Variants in IQSEC1 observed in about 807,000 individuals in gnomAD.
IQSEC1 encodes IQ motif and Sec7 domain ArfGEF 1.
IQSEC1 carries 31 observed loss-of-function variants against 91.0 expected under a neutral mutation model. The observed-to-expected ratio is 0.34, with a 90% CI of 0.26 to 0.46. The LOEUF (loss-of-function observed/expected upper bound fraction) is 0.46, where lower values mean the gene tolerates loss of function less well. IQSEC1 is among the 20% of genes least tolerant of loss of function. The pLI, the probability that IQSEC1 is intolerant of heterozygous loss-of-function variation, is 1.00. For missense variants in IQSEC1, 1,388 were observed against 1,575.6 expected (o/e 0.88, Z 2.02); for synonymous variants, 699 against 662.6 (o/e 1.05, Z -0.84).
At chr3:13,126,709 G>C (rs988278957) in intron 2 of IQSEC1, among the ~76,000 whole-genome samples, 2 of 152,164 alleles carry the variant, frequency 1.3e-5, no homozygotes, top group African/African-American at 4.8e-5. Context: ...TTTCATTTTA[G>C]CCATCCTAAT....
At chr3:13,206,710 G>T (rs962928011) in intron 1 of IQSEC1, among the ~76,000 whole-genome samples, 1 of 152,296 alleles carries the variant, frequency 6.6e-6, no homozygotes, top group South Asian at 2.1e-4. Flanking sequence ...AGTCACCTGT[G>T]GGAAAGGAGG....
At chr3:12,948,350 C>T (rs1699317843) in intron 1 of IQSEC1, among the ~76,000 whole-genome samples, 2 of 152,242 alleles carry the variant, frequency 1.3e-5, no homozygotes, top group Admixed American at 1.3e-4. Context: ...GCTGTTGAGA[C>T]CCTCTCTTCG....
At chr3:13,206,810 A>C (rs1246482982) in intron 1 of IQSEC1, among the ~76,000 whole-genome samples, 1 of 152,114 alleles carries the variant, frequency 6.6e-6, no homozygotes, top group Admixed American at 6.5e-5. Flanking sequence ...GTGTATTGCT[A>C]TCATAAATAA....
chr3:13,045,291 A>G (rs1704452771), intron 1 of IQSEC1, among the ~76,000 whole-genome samples: 1 of 152,164 alleles, frequency 6.6e-6, no homozygotes, highest in African/African-American at 2.4e-5. Flanking sequence ...ACCACTTGAC[A>G]CGTTATGTTA....
At chr3:13,275,105 T>C (rs1695652568) in intron 1 of IQSEC1, among the ~76,000 whole-genome samples, 1 of 152,176 alleles carries the variant, frequency 6.6e-6, no homozygotes. Flanking sequence ...TCAGGTTTCA[T>C]ATATGCGAAA....
intron 1 of IQSEC1, among the ~76,000 whole-genome samples, chr3:13,196,789 T>TGG (rs1302830374): frequency 3.5e-5 from 5 of 140,858 alleles, no homozygotes; most frequent in Non-Finnish European, 7.7e-5. Flanking sequence ...TGTGTGTGTG[T>TGG]GGTGGGGAGC....
At chr3:13,185,136 G>C (rs1197101658) in intron 1 of IQSEC1, among the ~76,000 whole-genome samples, 1 of 152,130 alleles carries the variant, frequency 6.6e-6, no homozygotes, top group East Asian at 1.9e-4. Flanking sequence ...GTGGCTTTTG[G>C]GCAGGGAAAC....
At chr3:13,047,034 C>T (rs2125054328) in intron 1 of IQSEC1, among the ~76,000 whole-genome samples, 1 of 152,346 alleles carries the variant, frequency 6.6e-6, no homozygotes, top group East Asian at 1.9e-4. Flanking sequence ...CAGAGACCCT[C>T]AGACACCCCA....
At chr3:13,109,564 G>A (rs902245393) in intron 2 of IQSEC1, among the ~76,000 whole-genome samples, 1 of 152,090 alleles carries the variant, frequency 6.6e-6, no homozygotes, top group Non-Finnish European at 1.5e-5. Flanking sequence ...GGTCATACGG[G>A]TGGATCCCTC....
chr3:13,073,280 G>A lies in IQSEC1; in HGVS notation c.-266C>T, dbSNP rs1705497194. ...GAGCGAGCGAGGACGTCGAGTAACC[G>A]TGGTCGCCAGGCTGGGCGGGGGCGT... On this transcript the variant is annotated 5_prime_UTR_variant, in exon 1 of 14. The change creates a new upstream start codon in the 5' untranslated region. Transcript: ENST00000613206. 6.6e-6 allele frequency among the ~76,000 whole-genome samples: 1 copy of A among 152,228 alleles called. No individual in the cohort carries two copies. Among genetic ancestry groups the A allele is most frequent in the Non-Finnish European group, 1.5e-5 (1 of 68,030 alleles).
intron 9 of IQSEC1, 134 bp downstream of exon 9, chr3:12,913,294 T>C (rs1695743202): frequency 5.5e-6 from 5 of 912,824 alleles, no homozygotes; most frequent in Non-Finnish European, 8.1e-6. Context: ...TGCATCAGTG[T>C]GAAAGACACC....
At chr3:13,261,601 C>A (rs541027688) in intron 1 of IQSEC1, among the ~76,000 whole-genome samples, 2 of 152,190 alleles carry the variant, frequency 1.3e-5, no homozygotes, top group African/African-American at 2.4e-5. Context: ...CCATCCCCCA[C>A]CCCCGTCATC....
chr3:13,030,562 A>G (rs957899011), intron 1 of IQSEC1, among the ~76,000 whole-genome samples: 4 of 152,382 alleles, frequency 2.6e-5, no homozygotes, highest in Middle Eastern at 3.4e-3. Flanking sequence ...GGAATAGCTT[A>G]AATGACATCA....
intron 1 of IQSEC1, among the ~76,000 whole-genome samples, chr3:13,002,662 T>A (rs1401257867): frequency 6.6e-6 from 1 of 152,206 alleles, no homozygotes. Context: ...ACAATACAAT[T>A]TTTAAATGGG....
chr3:13,215,322 C>G (rs1180389598), intron 1 of IQSEC1, among the ~76,000 whole-genome samples: 2 of 151,178 alleles, frequency 1.3e-5, no homozygotes, highest in East Asian at 3.9e-4. Flanking sequence ...GACACGCCAA[C>G]TAGATTAGCA....
intron 1 of IQSEC1, among the ~76,000 whole-genome samples, chr3:13,178,479 T>C (rs1158755145): frequency 1.3e-5 from 2 of 152,206 alleles, no homozygotes; most frequent in Non-Finnish European, 2.9e-5. Flanking sequence ...CAGAAAGTTA[T>C]TTTGCTCCTA....
chr3:13,111,954 A>G (rs1706253827), intron 2 of IQSEC1, among the ~76,000 whole-genome samples: 1 of 152,134 alleles, frequency 6.6e-6, no homozygotes, highest in Admixed American at 6.5e-5. Flanking sequence ...TTTGTTTTCT[A>G]CAGCATCCCC....
Position 12,922,576 on chromosome 3 carries a change from C to T in IQSEC1, c.1731-334G>A, listed in dbSNP as rs1179663217. Among the ~76,000 whole-genome samples, 1 of 152,190 alleles carries T rather than the reference C, an allele frequency of 6.6e-6. No individual in the cohort carries two copies. The highest frequency in any genetic ancestry group is 1.9e-4 in the East Asian group (1 of 5,174). ...TTTTAAGCACAGCCCTCACCAGGCA[C>T]ACAGTGGACGCCACTGTGAGTCTCC... On this transcript the variant is annotated intron_variant, in intron 4 of 13. Coordinates refer to ENST00000613206, the MANE Select transcript of IQSEC1 (RefSeq NM_001134382.3). The surrounding 1 kb of genome is among the most constrained non-coding windows in gnomAD (Gnocchi z 5.1).
intron 2 of IQSEC1, among the ~76,000 whole-genome samples, chr3:13,140,449 G>A (rs1706781898): frequency 6.6e-6 from 1 of 152,206 alleles, no homozygotes; most frequent in Admixed American, 6.5e-5. Context: ...GTGAATTTGA[G>A]GCTCCCTGAA....
Sources: gnomAD v4.1 joint callset for allele counts (sites outside exome capture counted in the v4.1 genomes callset) on GRCh38, gnomAD v4.1.1 for gene constraint, Gnocchi (gnomAD v3.1) non-coding constraint, MANE v1.5 for transcripts, NCBI Gene and HGNC (gene_info 2026-07-23, HGNC 2026-07-21) for gene names.